Variants in ROGDI observed in about 807,000 individuals in gnomAD.
The protein encoded by ROGDI is protein rogdi homolog.
Under a neutral mutation model 43.1 loss-of-function variants are expected in ROGDI, and 46 were observed. The ratio of observed to expected loss-of-function variants is 1.07; its 90% CI spans 0.84 to 1.37. The LOEUF (loss-of-function observed/expected upper bound fraction) is 1.37. Among genes scored for constraint, ROGDI ranks in the 40% most tolerant of loss-of-function variants. The pLI is 0.00. For synonymous variants in ROGDI, 243 were observed against 162.0 expected, an observed-to-expected ratio of 1.50 and a Z score of -3.80; for missense variants, 518 against 383.9, an observed-to-expected ratio of 1.35 and a Z score of -2.92.
chr16:4,801,664 C>T (rs2082722865), intron 2 of ROGDI, 79 bp from the exon 3 acceptor site: 16 of 1,335,868 alleles, frequency 1.2e-5, no homozygotes, highest in Non-Finnish European at 1.6e-5. Context: ...AGCCCCCCTC[C>T]CTCCAAGTCA....
In ROGDI at chr16:4,800,640, G is replaced by A. The variant is rs7200235; in HGVS notation, c.256-62C>T. Reference sequence around the variant, plus strand: ...GGGCACCTCCTGCCACAGCCACTCTGAGCCCTTAAGCCCAGGGCAGAAATG... The same window carrying A: ...GGGCACCTCCTGCCACAGCCACTCTAAGCCCTTAAGCCCAGGGCAGAAATG... On this transcript the variant is annotated intron_variant, in intron 4 of 10. Coordinates refer to ENST00000322048, the MANE Select transcript of ROGDI (RefSeq NM_024589.3). 1.3e-3 allele frequency: 1,725 copies of A among 1,349,192 alleles called. 22 individuals are homozygous for A. In the African/African-American group the frequency reaches 0.023, roughly 18 times the overall value. 83.6% of individuals were successfully genotyped at this position (1,349,192 alleles called of 1,614,324 possible).
chr16:4,799,272 C>G (rs997780102), intron 6 of ROGDI, among the ~76,000 whole-genome samples: 1 of 151,986 alleles, frequency 6.6e-6, no homozygotes, highest in Non-Finnish European at 1.5e-5. Flanking sequence ...GGTTACAGTT[C>G]TCGAAGGGAT....
In ROGDI at chr16:4,797,781, G is replaced by A. The variant is rs1276539581; in HGVS notation, c.755C>T (p.Pro252Leu). Residue 252 changes from proline (P) to leucine (L), a missense_variant, in exon 10 of 11, where the codon CCC (proline) becomes CTC (leucine). Pro to Leu is a moderately conservative substitution (Grantham distance 98). Transcript: ENST00000322048. Reference sequence around the variant, plus strand: ...GTAGACCAGGGCGTCGTTGAGCCAGGGGATCACGCACTCCACTTTGTGCAC... The same window carrying A: ...GTAGACCAGGGCGTCGTTGAGCCAGAGGATCACGCACTCCACTTTGTGCAC... Reference protein sequence around the residue: ...SHVHKVECVIPWLNDALVYFT... With the variant: ...SHVHKVECVILWLNDALVYFT... 3 of 1,613,692 alleles carry A rather than the reference G, an allele frequency of 1.9e-6. No individual in the cohort carries two copies. Among genetic ancestry groups the A allele is most frequent in the Non-Finnish European group, 2.5e-6 (3 of 1,179,960 alleles).
At chr16:4,801,422 G>A in intron 3 of ROGDI, 81 bp downstream of exon 3, 10 of 1,557,032 alleles carry the variant, frequency 6.4e-6, no homozygotes, top group Middle Eastern at 1.7e-4. Flanking sequence ...ACAACCAGCT[G>A]GTCTGCAGGA....
At chr16:4,799,964 C>T (rs2082696584) in intron 5 of ROGDI, among the ~76,000 whole-genome samples, 183 bp from the exon 6 acceptor site, 1 of 152,184 alleles carries the variant, frequency 6.6e-6, no homozygotes, top group South Asian at 2.1e-4. Flanking sequence ...CTGGTCTCTG[C>T]CCAAGCTGAC....
In ROGDI at chr16:4,798,580, T is replaced by C. The variant is rs73513283; in HGVS notation, c.520A>G (p.Ser174Gly). The C allele has an allele frequency of 6.4e-7, 1 of 1,561,020 alleles. No individual in the cohort carries two copies. Residue 174 changes from serine (S) to glycine (G), a missense_variant, in exon 7 of 11, where the codon AGC becomes GGC. Transcript: ENST00000322048. ...ATLTLPEIAASGLTRMFAPAL... is the reference protein window; with the variant it reads ...ATLTLPEIAAGGLTRMFAPAL... Reference sequence around the variant, plus strand: ...GCAGGGGCACTGACCGTGAGGCCGCTGGCGGCGATCTCGGGGAGGGTGAGG... The same window carrying C: ...GCAGGGGCACTGACCGTGAGGCCGCCGGCGGCGATCTCGGGGAGGGTGAGG...
In ROGDI at chr16:4,802,619, TC is replaced by T. The variant is rs1376826854; in HGVS notation, c.-49del. On this transcript the variant is annotated 5_prime_UTR_variant, in exon 1 of 11. Coordinates refer to ENST00000322048, the MANE Select transcript of ROGDI (RefSeq NM_024589.3). ...CCCTCCCCACCGGCCGCTGCTCCTG[TC>T]CACCAATCTTTCTGTCCTCGGTCCT... 5.5e-6 allele frequency: 7 copies of T among 1,279,490 alleles called. No homozygotes were observed. Among genetic ancestry groups the T allele is most frequent in the East Asian group, 3.1e-5 (1 of 32,320 alleles). 79.3% of individuals were successfully genotyped at this position (1,279,490 alleles called of 1,614,324 possible).
chr16:4,800,885 A>G (rs1208656315), intron 4 of ROGDI: 1 of 506,902 alleles, frequency 2.0e-6, no homozygotes, highest in Non-Finnish European at 3.5e-6. Context: ...GTGTCTACAA[A>G]GGGCAACAGA....
chr16:4,801,030 G>C (rs979283665), intron 4 of ROGDI: 12 of 513,058 alleles, frequency 2.3e-5, no homozygotes, highest in Non-Finnish European at 3.8e-5. Context: ...TGTTTCACTG[G>C]TCCGGACGCC....
At chr16:4,801,467 A>G (rs768885129) in intron 3 of ROGDI, 36 bp downstream of exon 3, 2 of 1,583,518 alleles carry the variant, frequency 1.3e-6, no homozygotes, top group Non-Finnish European at 1.7e-6. Flanking sequence ...CCCCCAAGGT[A>G]CCCATTTCCC....
intron 6 of ROGDI, among the ~76,000 whole-genome samples, chr16:4,799,041 G>A (rs1389486040): frequency 1.3e-5 from 2 of 152,212 alleles, no homozygotes; most frequent in African/African-American, 4.8e-5. Flanking sequence ...ATGGATGACT[G>A]GGTTGAGGTT....
intron 5 of ROGDI, 55 bp downstream of exon 5, chr16:4,800,443 G>GCA: frequency 7.0e-7 from 1 of 1,434,306 alleles, no homozygotes; most frequent in Non-Finnish European, 9.6e-7. Flanking sequence ...CCCCGCGGCA[G>GCA]GCCTGCTGCC....
At chr16:4,800,755 G>C in intron 4 of ROGDI, 177 bp from the exon 5 acceptor site, 1 of 594,982 alleles carries the variant, frequency 1.7e-6, no homozygotes, top group Non-Finnish European at 3.0e-6. Context: ...GGGAGGTCAG[G>C]AAACAGGAAA....
intron 5 of ROGDI, 28 bp from the exon 6 acceptor site, chr16:4,799,809 C>A: frequency 6.5e-7 from 1 of 1,547,420 alleles, no homozygotes; most frequent in South Asian, 1.1e-5. Flanking sequence ...CCAGAGGGGT[C>A]ACGCCAGCTT....
At position 4,798,569 on chromosome 16, in the gene ROGDI, C is replaced by T. The variant is rs930841516; in HGVS notation, c.531G>A (p.Thr177=). 8.4e-6 allele frequency: 13 copies of T among 1,552,246 alleles called. No homozygotes were observed. Among genetic ancestry groups the T allele is most frequent in the Middle Eastern group, 3.4e-4 (2 of 5,918 alleles). Residue 177 remains threonine, a splice_region_variant and synonymous_variant, in exon 7 of 11, where the codon ACG becomes ACA. Coordinates refer to ENST00000322048, the MANE Select transcript of ROGDI (RefSeq NM_024589.3). ...AGCAGGGGCTGGCAGGGGCACTGAC[C>T]GTGAGGCCGCTGGCGGCGATCTCGG... is the stretch of plus-strand genomic sequence containing the variant. ...TLPEIAASGL[T]RMFAPALPSD...
chr16:4,798,066 C>G lies in ROGDI; in HGVS notation c.645+5G>C. The stretch of plus-strand genomic sequence containing the variant: ...GCAGTGGGCCGGGCAGGGGTCCCTC[C>G]TCACCTTGGTGGAGTTGGGCTGCAG... On this transcript the variant is annotated splice_donor_5th_base_variant and intron_variant, in intron 8 of 10. Coordinates refer to ENST00000322048, the MANE Select transcript of ROGDI (RefSeq NM_024589.3). The G allele has an allele frequency of 6.2e-7, 1 of 1,613,822 alleles. No homozygotes were observed. The highest frequency in any genetic ancestry group is 8.5e-7 in the Non-Finnish European group (1 of 1,179,836).
chr16:4,797,823 C>G lies in ROGDI; in HGVS notation c.713G>C (p.Arg238Pro). 6.2e-7 allele frequency: 1 copy of G among 1,612,038 alleles called. No individual in the cohort carries two copies. Among genetic ancestry groups the G allele is most frequent in the African/African-American group, 1.3e-5 (1 of 75,016 alleles). The change falls in exon 10 of 11, where the codon CGC becomes CCC. Residue 238 changes from arginine to proline, a missense_variant. By Grantham distance (103) the Arg-to-Pro change is moderately radical (BLOSUM62 -2). Transcript: ENST00000322048. ...PGAMFEWGSQ[R>P]LEVSHVHKVE... ...TTTGTGCACGTGGCTCACCTCCAGG[C>G]GCTGAGAGCCCCACTCGCTGTGGGC...
intron 2 of ROGDI, chr16:4,801,870 G>A (rs2082728427): frequency 5.2e-6 from 3 of 579,244 alleles, no homozygotes; most frequent in East Asian, 2.9e-5. Context: ...AGGGGGAAAG[G>A]GGCAAGGGGC....
chr16:4,801,921 C>G (rs2082729792), intron 2 of ROGDI: 2 of 569,502 alleles, frequency 3.5e-6, no homozygotes, highest in Non-Finnish European at 6.6e-6. Context: ...AACCCGCGGT[C>G]CTGGGCCACA....
Sources: gnomAD v4.1 joint callset for allele counts (sites outside exome capture counted in the v4.1 genomes callset) on GRCh38, gnomAD v4.1.1 for gene constraint, MANE v1.5 for transcripts, NCBI Gene and HGNC (gene_info 2026-07-23, HGNC 2026-07-21) for gene names.